Variants in ZFHX3 observed in about 807,000 individuals in gnomAD.
ZFHX3 encodes the protein zinc finger homeobox protein 3.
ZFHX3 carries 42 observed loss-of-function variants against 279.1 expected under a neutral mutation model. The observed-to-expected ratio is 0.15, with a 90% CI of 0.12 to 0.19. The LOEUF (loss-of-function observed/expected upper bound fraction) is 0.19. Ranked by LOEUF, ZFHX3 falls within the 10% of genes least tolerant of loss-of-function variation. ZFHX3 has a pLI of 1.00. For missense variants in ZFHX3, 4,981 were observed against 4,754.0 expected (o/e 1.05, Z -1.40); for synonymous variants, 2,293 against 1,957.8 (o/e 1.17, Z -4.52).
At chr16:72,888,146 G>A (rs971672542) in intron 4 of ZFHX3, among the ~76,000 whole-genome samples, 4 of 152,202 alleles carry the variant, frequency 2.6e-5, no homozygotes, top group Admixed American at 1.3e-4. Context: ...GGAAAAGGGG[G>A]TGGGAGAGGG....
At chr16:72,811,215 G>A (rs2036433803) in intron 7 of ZFHX3, among the ~76,000 whole-genome samples, 1 of 152,160 alleles carries the variant, frequency 6.6e-6, no homozygotes, top group African/African-American at 2.4e-5. Context: ...AGTTTGTTAT[G>A]AGGATGAAAT....
intron 1 of ZFHX3, among the ~76,000 whole-genome samples, chr16:73,883,876 G>A (rs1287021876): frequency 6.6e-6 from 1 of 152,116 alleles, no homozygotes; most frequent in Non-Finnish European, 1.5e-5. Context: ...TAGGAAAAGA[G>A]AAGGGGAGAA....
chr16:73,040,065 T>C (rs1354642057), intron 1 of ZFHX3, among the ~76,000 whole-genome samples: 2 of 152,154 alleles, frequency 1.3e-5, no homozygotes, highest in African/African-American at 4.8e-5. Context: ...TAGGTAAACA[T>C]GGGGCTTAAA....
intron 1 of ZFHX3, among the ~76,000 whole-genome samples, chr16:73,738,445 T>C (rs916467437): frequency 1.3e-5 from 2 of 152,224 alleles, no homozygotes; most frequent in Non-Finnish European, 2.9e-5. Flanking sequence ...ACACATGCAC[T>C]GTGCACATTA....
chr16:73,872,622 T>A (rs1232918896), intron 1 of ZFHX3, among the ~76,000 whole-genome samples: 1 of 150,564 alleles, frequency 6.6e-6, no homozygotes, highest in African/African-American at 2.5e-5. Flanking sequence ...CGGACAGTTA[T>A]CTTTAAAAAA....
intron 4 of ZFHX3, among the ~76,000 whole-genome samples, chr16:73,283,666 G>A (rs571713022): frequency 1.3e-5 from 2 of 152,316 alleles, no homozygotes; most frequent in Non-Finnish European, 2.9e-5. Context: ...TACGAACATG[G>A]TAGACTTAAA....
intron 2 of ZFHX3, among the ~76,000 whole-genome samples, chr16:73,568,124 A>T (rs912521800): frequency 2.5e-4 from 38 of 152,220 alleles, no homozygotes; most frequent in Admixed American, 2.4e-3. Flanking sequence ...AGAGGCTGGA[A>T]GAAAACGTCC....
intron 2 of ZFHX3, among the ~76,000 whole-genome samples, chr16:73,678,761 C>T (rs1168735574): frequency 1.3e-5 from 2 of 152,140 alleles, no homozygotes; most frequent in African/African-American, 4.8e-5. Flanking sequence ...GTGCACTGGA[C>T]AGGAGTTTTT....
At chr16:73,105,372 T>TATATATACACACACACAC (rs1567389772) in intron 7 of ZFHX3, among the ~76,000 whole-genome samples, 1,836 of 27,476 alleles carry the variant, frequency 0.067, 87 homozygotes, top group Middle Eastern at 0.17. Flanking sequence ...TATACACACA[T>TATATATACACACACACAC]ATATATATAT....
chr16:73,344,489 T>C (rs1398911660), intron 3 of ZFHX3, among the ~76,000 whole-genome samples: 3 of 152,156 alleles, frequency 2.0e-5, no homozygotes, highest in Admixed American at 6.5e-5. Flanking sequence ...CTTGGAAGGA[T>C]GGAAAAAATT....
chr16:73,188,755 T>C (rs961039653), intron 5 of ZFHX3, among the ~76,000 whole-genome samples: 1 of 152,170 alleles, frequency 6.6e-6, no homozygotes, highest in African/African-American at 2.4e-5. Flanking sequence ...AAATGTTAGA[T>C]TCCCAGGGGT....
chr16:73,251,927 GAA>G lies in ZFHX3; in HGVS notation c.-1104+5118_-1104+5119del, dbSNP rs772444664. Among the ~76,000 whole-genome samples the G allele has an allele frequency of 4.1e-3, 270 of 66,314 alleles. 8 individuals are homozygous for G. The highest frequency in any genetic ancestry group is 0.034 in the African/African-American group (254 of 7,424). The allele number at this position is 66,314 out of a possible 152,430, so 43.5% of individuals were successfully genotyped here. On this transcript the variant is annotated intron_variant, in intron 5 of 17. Transcript: ENST00000641206. ...CACACACACACCACACACACACCATGAACACACACATACACACCACACACACG... is the reference window on the plus strand; with the variant it reads ...CACACACACACCACACACACACCATGCACACACATACACACCACACACACG...
chr16:73,289,966 T>C (rs937470561), intron 4 of ZFHX3, among the ~76,000 whole-genome samples: 3 of 151,942 alleles, frequency 2.0e-5, no homozygotes, highest in Admixed American at 2.0e-4. Flanking sequence ...TCAATTCCAA[T>C]ATGAAGATTA....
chr16:73,360,126 C>T (rs1048369824), intron 3 of ZFHX3, among the ~76,000 whole-genome samples: 8 of 152,116 alleles, frequency 5.3e-5, no homozygotes, highest in African/African-American at 1.9e-4. Context: ...CCTCAGGTTC[C>T]TTACAGGGAC....
chr16:72,875,063 G>A (rs28734843), intron 4 of ZFHX3, among the ~76,000 whole-genome samples: 4,861 of 152,268 alleles, frequency 0.032, 277 homozygotes, highest in African/African-American at 0.11. Flanking sequence ...CCATCAAGAA[G>A]CTCACAGAGA....
intron 2 of ZFHX3, among the ~76,000 whole-genome samples, chr16:73,615,607 A>G (rs1160615): frequency 0.59 from 90,173 of 151,956 alleles, 29,025 homozygotes; most frequent in East Asian, 0.83. Flanking sequence ...CAAATTGAAG[A>G]GAGTTCGGAA....
chr16:73,085,925 C>T (rs970774321), intron 8 of ZFHX3, among the ~76,000 whole-genome samples: 6 of 137,308 alleles, frequency 4.4e-5, no homozygotes, highest in Non-Finnish European at 7.6e-5. Context: ...TATTTGCAAA[C>T]TATGCATCTG....
chr16:73,180,079 G>A (rs574576934), intron 5 of ZFHX3, among the ~76,000 whole-genome samples: 12 of 152,252 alleles, frequency 7.9e-5, no homozygotes, highest in South Asian at 6.2e-4. Context: ...AGACTCCTAC[G>A]GGAAACTGTA....
At chr16:73,880,535 T>G (rs564956849) in intron 1 of ZFHX3, among the ~76,000 whole-genome samples, 1 of 152,036 alleles carries the variant, frequency 6.6e-6, no homozygotes, top group South Asian at 2.1e-4. Flanking sequence ...GAAGTTAGAG[T>G]CTGGGGAGAC....
Sources: allele counts gnomAD v4.1 joint callset (sites outside exome capture counted in the v4.1 genomes callset), GRCh38; gene constraint gnomAD v4.1.1; transcripts MANE v1.5; gene names NCBI Gene and HGNC (gene_info 2026-07-23, HGNC 2026-07-21).